FOXJ3: variants seen among roughly 807,000 people sequenced by gnomAD.
The protein encoded by FOXJ3 is forkhead box J3, also known as forkhead box protein J3.
FOXJ3 carries 22 observed loss-of-function variants against 76.1 expected under a neutral mutation model. The observed-to-expected ratio is 0.29, with a 90% CI of 0.21 to 0.41. The LOEUF is 0.41. FOXJ3 is among the 10% of genes least tolerant of loss of function. The probability of loss-of-function intolerance (pLI) is 1.00; values close to 1 mark genes in which losing one functional copy is unlikely to be tolerated. For missense variants in FOXJ3, 613 were observed against 762.1 expected (o/e 0.80, Z 2.30); for synonymous variants, 269 against 261.2 (o/e 1.03, Z -0.29).
intron 8 of FOXJ3, among the ~76,000 whole-genome samples, chr1:42,192,585 C>T (rs897813355): frequency 1.3e-5 from 2 of 152,052 alleles, no homozygotes; most frequent in Non-Finnish European, 2.9e-5. Flanking sequence ...ATGTTAGCTG[C>T]CATGATGATG....
chr1:42,308,970 G>A (rs1301837770), intron 2 of FOXJ3, among the ~76,000 whole-genome samples: 1 of 49,882 alleles, frequency 2.0e-5, no homozygotes, highest in Non-Finnish European at 4.5e-5. Context: ...GGTAGAAAGT[G>A]GACACTAAAG....
chr1:42,225,312 C>T lies in FOXJ3; in HGVS notation c.528+2571G>A, dbSNP rs1569940338. Among the ~76,000 whole-genome samples, 6 of 151,906 alleles carry T rather than the reference C, an allele frequency of 3.9e-5. No homozygotes were observed. The South Asian group carries it at 1.2e-3, about 32-fold the overall frequency. On this transcript the variant is annotated intron_variant, in intron 5 of 12. Transcript: ENST00000361346. ...AATGTCTGAAGGTCATGTTCAGGAC[C>T]ATCACTATTTGCCCTAGGCATTTTC... is the stretch of plus-strand genomic sequence containing the variant.
intron 4 of FOXJ3, among the ~76,000 whole-genome samples, chr1:42,255,270 G>A (rs375576890): frequency 1.6e-4 from 25 of 152,260 alleles, no homozygotes; most frequent in African/African-American, 6.0e-4. Flanking sequence ...TAAAGTGTAA[G>A]GTATGAAGTG....
chr1:42,334,520 G>A (rs1035580665), intron 1 of FOXJ3, among the ~76,000 whole-genome samples: 23 of 152,286 alleles, frequency 1.5e-4, no homozygotes, highest in Admixed American at 5.9e-4. Context: ...TCCCAGCAAA[G>A]GACACAGACA....
chr1:42,281,101 T>C (rs1399329131), intron 2 of FOXJ3, among the ~76,000 whole-genome samples: 2 of 152,194 alleles, frequency 1.3e-5, no homozygotes, highest in Non-Finnish European at 2.9e-5. Flanking sequence ...GTGCCAGTAA[T>C]GAGACTTTAT....
intron 1 of FOXJ3, among the ~76,000 whole-genome samples, chr1:42,331,982 G>C (rs1332811253): frequency 6.6e-6 from 1 of 151,856 alleles, no homozygotes; most frequent in African/African-American, 2.4e-5. Flanking sequence ...AAACAAATCT[G>C]GCATCTATTC....
intron 2 of FOXJ3, among the ~76,000 whole-genome samples, chr1:42,285,386 T>C (rs1476312899): frequency 1.3e-5 from 2 of 151,648 alleles, no homozygotes; most frequent in Non-Finnish European, 2.9e-5. Flanking sequence ...CTGAGGTAAG[T>C]AGAGTACAAA....
chr1:42,303,907 C>T (rs1570208416), intron 2 of FOXJ3, among the ~76,000 whole-genome samples: 1 of 152,064 alleles, frequency 6.6e-6, no homozygotes, highest in East Asian at 1.9e-4. Context: ...ACCAAATTAA[C>T]GGAAGTCCTA....
chr1:42,228,082 G>T, intron 4 of FOXJ3, 116 bp from the exon 5 acceptor site: 1 of 456,430 alleles, frequency 2.2e-6, no homozygotes, highest in East Asian at 3.4e-5. Flanking sequence ...TGGAAAAATA[G>T]CACAAGAAAC....
intron 4 of FOXJ3, among the ~76,000 whole-genome samples, chr1:42,238,676 A>G (rs2124512349): frequency 6.6e-6 from 1 of 152,238 alleles, no homozygotes; most frequent in South Asian, 2.1e-4. Flanking sequence ...CTCCCACCTC[A>G]GCCTCCCACG....
At chr1:42,332,727 A>G (rs1046544617) in intron 1 of FOXJ3, among the ~76,000 whole-genome samples, 10 of 152,132 alleles carry the variant, frequency 6.6e-5, no homozygotes, top group African/African-American at 2.4e-4. Flanking sequence ...ATTATTATTC[A>G]CCAACACAGA....
chr1:42,223,667 A>G (rs1647322708), intron 5 of FOXJ3, among the ~76,000 whole-genome samples: 1 of 152,236 alleles, frequency 6.6e-6, no homozygotes, highest in Admixed American at 6.5e-5. Context: ...CAGTTGGTCT[A>G]CCAAATTCAT....
chr1:42,220,771 T>C (rs1485967295), intron 5 of FOXJ3, among the ~76,000 whole-genome samples: 1 of 152,154 alleles, frequency 6.6e-6, no homozygotes, highest in African/African-American at 2.4e-5. Flanking sequence ...ATTGGCTTCA[T>C]TCCCTTGTCC....
At chr1:42,285,168 T>C (rs989578942) in intron 2 of FOXJ3, among the ~76,000 whole-genome samples, 6 of 152,178 alleles carry the variant, frequency 3.9e-5, no homozygotes, top group African/African-American at 1.2e-4. Context: ...GTTTGTTACA[T>C]AGGTAAACGT....
chr1:42,302,866 C>T (rs1654240179), intron 2 of FOXJ3, among the ~76,000 whole-genome samples: 1 of 151,360 alleles, frequency 6.6e-6, no homozygotes, highest in Non-Finnish European at 1.5e-5. Context: ...ATGATTCCCC[C>T]TCATAAAAAC....
At chr1:42,217,785 GC>G (rs1647101117) in intron 5 of FOXJ3, among the ~76,000 whole-genome samples, 1 of 152,166 alleles carries the variant, frequency 6.6e-6, no homozygotes, top group African/African-American at 2.4e-5. Context: ...ATGTTAATGT[GC>G]CACTGTTGAT....
chr1:42,184,493 T>C (rs1646394502), intron 11 of FOXJ3, among the ~76,000 whole-genome samples: 1 of 152,116 alleles, frequency 6.6e-6, no homozygotes, highest in African/African-American at 2.4e-5. Context: ...ATTCTCAATA[T>C]AGAGTCTGAA....
chr1:42,319,586 T>A (rs1655317926), intron 1 of FOXJ3, among the ~76,000 whole-genome samples: 1 of 152,190 alleles, frequency 6.6e-6, no homozygotes, highest in Non-Finnish European at 1.5e-5. Context: ...AATTAGACTG[T>A]AGCAATGGTT....
intron 7 of FOXJ3, among the ~76,000 whole-genome samples, chr1:42,198,017 T>A (rs1021608805): frequency 2.6e-5 from 4 of 152,126 alleles, no homozygotes; most frequent in Admixed American, 2.6e-4. Context: ...TTTGGTTAAG[T>A]CTGTGGATGT....
Sources: gnomAD v4.1 joint callset for allele counts (sites outside exome capture counted in the v4.1 genomes callset) on GRCh38, gnomAD v4.1.1 for gene constraint, MANE v1.5 for transcripts, NCBI Gene and HGNC (gene_info 2026-07-23, HGNC 2026-07-21) for gene names.